The following PHF20 variants were observed in gnomAD, a reference collection of about 807,000 sequenced individuals.
The protein encoded by PHF20 is PHD finger protein 20.
Under a neutral mutation model 113.5 loss-of-function variants are expected in PHF20, and 23 were observed. That is an observed-to-expected ratio of 0.20 (90% CI 0.15 to 0.29). The LOEUF (loss-of-function observed/expected upper bound fraction) is 0.29, where lower values mean the gene tolerates loss of function less well. PHF20 is among the 10% of genes least tolerant of loss of function. The pLI is 1.00. For missense variants in PHF20, 943 were observed against 1,219.6 expected (o/e 0.77, Z 3.38); for synonymous variants, 434 against 457.3 (o/e 0.95, Z 0.65).
At chr20:35,775,537 C>T (rs1459406887) in intron 1 of PHF20, among the ~76,000 whole-genome samples, 2 of 151,946 alleles carry the variant, frequency 1.3e-5, no homozygotes, top group Middle Eastern at 3.4e-3. Flanking sequence ...GGGCAGATCA[C>T]GAGGTCAGGA....
Position 35,940,926 on chromosome 20 carries a change from C to T in PHF20, c.2775C>T (p.Asp925=). Residue 925 remains aspartate, a synonymous_variant, in exon 17 of 18, where the codon GAC becomes GAT. Coordinates refer to ENST00000374012, the MANE Select transcript of PHF20 (RefSeq NM_016436.5). The stretch of plus-strand genomic sequence containing the variant: ...AAGCCCCTGCTCGGAAGCTGCTGGA[C>T]AGAGGTGGAGAGGGGCTGCTGAGCT... The part of the protein sequence containing the change: ...PEEAPARKLL[D]RGGEGLLSSQ... 2 of 1,614,150 alleles carry T rather than the reference C, an allele frequency of 1.2e-6. No homozygotes were observed. Among genetic ancestry groups the T allele is most frequent in the Non-Finnish European group, 8.5e-7 (1 of 1,180,002 alleles).
intron 2 of PHF20, among the ~76,000 whole-genome samples, chr20:35,829,286 C>T (rs538819798): frequency 2.6e-5 from 4 of 152,248 alleles, no homozygotes; most frequent in South Asian, 2.1e-4. Flanking sequence ...AGTTCTGTAG[C>T]GTTAAATACA....
intron 11 of PHF20, 26 bp from the exon 12 acceptor site, chr20:35,914,007 A>C (rs372237255): frequency 5.6e-6 from 9 of 1,612,166 alleles, no homozygotes; most frequent in Non-Finnish European, 7.6e-6. Context: ...AGGGTTATTC[A>C]TTCCTTCCTG....
rs888044823 is a variant in PHF20, at chr20:35,944,218, G to T, written c.2896+3171G>T. 3.3e-5 allele frequency among the ~76,000 whole-genome samples: 5 copies of T among 152,190 alleles called. No individual in the cohort carries two copies. The South Asian group carries it at 8.3e-4, about 25-fold the overall frequency. ...CTGGATGCTGGGGTCCAGAGGAGAT[G>T]CTGTTGACTTCCCACAGTCCTGGCT... is the stretch of plus-strand genomic sequence containing the variant. On this transcript the variant is annotated intron_variant, in intron 17 of 17. Coordinates refer to ENST00000374012, the MANE Select transcript of PHF20 (RefSeq NM_016436.5).
chr20:35,845,435 G>A, intron 3 of PHF20: 1 of 385,852 alleles, frequency 2.6e-6, no homozygotes, highest in Non-Finnish European at 5.3e-6. Context: ...GTGCAGTCTT[G>A]GCTTAATGTA....
At chr20:35,802,386 C>T (rs1274451510) in intron 2 of PHF20, among the ~76,000 whole-genome samples, 6 of 151,576 alleles carry the variant, frequency 4.0e-5, no homozygotes, top group Non-Finnish European at 5.9e-5. Flanking sequence ...GCTCTGTCAC[C>T]CAGGCAGATC....
At chr20:35,835,143 C>T (rs942982332) in intron 2 of PHF20, among the ~76,000 whole-genome samples, 4 of 151,952 alleles carry the variant, frequency 2.6e-5, no homozygotes, top group African/African-American at 4.8e-5. Context: ...GGTGTGGTGG[C>T]GGGCGCCTGT....
intron 9 of PHF20, among the ~76,000 whole-genome samples, chr20:35,896,627 T>C (rs919351258): frequency 6.7e-6 from 1 of 149,940 alleles, no homozygotes; most frequent in Non-Finnish European, 1.5e-5. Flanking sequence ...GCTGGACCAG[T>C]CTCTACTAAA....
At chr20:35,795,958 G>A (rs1267958018) in intron 1 of PHF20, among the ~76,000 whole-genome samples, 1 of 151,900 alleles carries the variant, frequency 6.6e-6, no homozygotes, top group Non-Finnish European at 1.5e-5. Context: ...TGAAGTGATT[G>A]TTCTGCCTCA....
chr20:35,863,370 C>T lies in PHF20; in HGVS notation c.778C>T (p.Arg260Ter), dbSNP rs2054254634. The T allele has an allele frequency of 6.2e-7, 1 of 1,606,864 alleles. No individual in the cohort carries two copies. Among genetic ancestry groups the T allele is most frequent in the Non-Finnish European group, 8.5e-7 (1 of 1,178,132 alleles). ...AAACTTGAGGGAACCCAAAAGAAAA[C>T]GAGGCAGACCCCCTTCCATAGCTCC... ...QENLREPKRK[R>*]GRPPSIAPTA... Residue 260 changes from arginine (R) to a stop codon, truncating the protein, a stop_gained, in exon 6 of 18, where the codon CGA (arginine) becomes TGA (stop). Transcript: ENST00000374012. LOFTEE classifies it high-confidence loss of function.
intron 9 of PHF20, among the ~76,000 whole-genome samples, chr20:35,882,182 C>T (rs1033760192): frequency 3.9e-5 from 6 of 152,140 alleles, no homozygotes; most frequent in African/African-American, 7.2e-5. Flanking sequence ...GACTTAAGAG[C>T]AAGCTGGTTT....
At chr20:35,872,793 G>A (rs145324661) in intron 9 of PHF20, among the ~76,000 whole-genome samples, 9 of 152,176 alleles carry the variant, frequency 5.9e-5, no homozygotes, top group African/African-American at 1.9e-4. Flanking sequence ...TATTTGTTGC[G>A]ATTTAATTTA....
chr20:35,786,058 C>G (rs959091658), intron 1 of PHF20, among the ~76,000 whole-genome samples: 28 of 142,614 alleles, frequency 2.0e-4, no homozygotes, highest in Non-Finnish European at 4.1e-4. Flanking sequence ...AAAAAAAAAA[C>G]AAATCTTGTA....
chr20:35,846,338 A>G (rs936080269), intron 3 of PHF20, among the ~76,000 whole-genome samples: 18 of 151,032 alleles, frequency 1.2e-4, no homozygotes, highest in Admixed American at 1.2e-3. Context: ...GCCACCACAC[A>G]GGCTAATTTT....
At chr20:35,848,353 C>T (rs1400823354) in intron 4 of PHF20, among the ~76,000 whole-genome samples, 1 of 151,966 alleles carries the variant, frequency 6.6e-6, no homozygotes, top group Non-Finnish European at 1.5e-5. Flanking sequence ...CTGCAACCTC[C>T]ATCTCCTGAG....
chr20:35,930,643 T>TA (rs1364998815), intron 14 of PHF20, among the ~76,000 whole-genome samples: 1 of 152,080 alleles, frequency 6.6e-6, no homozygotes, highest in Non-Finnish European at 1.5e-5. Flanking sequence ...CACTGCACTG[T>TA]AGCCTGGGCA....
At chr20:35,843,508 T>G (rs2042567494) in intron 3 of PHF20, among the ~76,000 whole-genome samples, 1 of 131,384 alleles carries the variant, frequency 7.6e-6, no homozygotes, top group Non-Finnish European at 1.6e-5. Context: ...GGTGACAGAG[T>G]GATATTCCAT....
chr20:35,895,969 G>A (rs1276554730), intron 9 of PHF20, among the ~76,000 whole-genome samples: 6 of 152,112 alleles, frequency 3.9e-5, no homozygotes, highest in Non-Finnish European at 8.8e-5. Context: ...TTACAGGCGT[G>A]AGCCATCGCG....
At chr20:35,905,084 C>T (rs2055179191) in intron 10 of PHF20, among the ~76,000 whole-genome samples, 1 of 152,102 alleles carries the variant, frequency 6.6e-6, no homozygotes, top group African/African-American at 2.4e-5. Context: ...CTTGGCCTCC[C>T]AAAGTGCTGG....
Sources: gnomAD v4.1 joint callset for allele counts (sites outside exome capture counted in the v4.1 genomes callset) on GRCh38, gnomAD v4.1.1 for gene constraint, MANE v1.5 for transcripts, NCBI Gene and HGNC (gene_info 2026-07-23, HGNC 2026-07-21) for gene names.